CHSY3: variants seen among roughly 807,000 people sequenced by gnomAD.
CHSY3 encodes chondroitin sulfate synthase 3, also known as N-acetylgalactosaminyl-proteoglycan 3-beta-glucuronosyltransferase 3.
In CHSY3, 35 loss-of-function variants were observed where a neutral mutation model predicts 67.2. That is an observed-to-expected ratio of 0.52 (90% confidence interval 0.40 to 0.69). CHSY3 has a LOEUF of 0.69. Ranked by LOEUF, CHSY3 falls within the 30% of genes least tolerant of loss-of-function variation. CHSY3 has a pLI of 0.00. For synonymous variants in CHSY3, 474 were observed against 434.7 expected (o/e 1.09, Z -1.12); for missense variants, 1,069 against 1,138.5 (o/e 0.94, Z 0.88).
At chr5:129,966,346 G>A (rs1217532433) in intron 2 of CHSY3, among the ~76,000 whole-genome samples, 1 of 151,816 alleles carries the variant, frequency 6.6e-6, no homozygotes, top group Non-Finnish European at 1.5e-5. Context: ...GGTAGGTAGT[G>A]CATTGTGTAA....
At chr5:130,144,024 G>T (rs560999938) in intron 2 of CHSY3, among the ~76,000 whole-genome samples, 1 of 150,254 alleles carries the variant, frequency 6.7e-6, no homozygotes, top group Admixed American at 6.7e-5. Flanking sequence ...TTATTAAGTC[G>T]TTCAATCTAG....
intron 2 of CHSY3, among the ~76,000 whole-genome samples, chr5:130,129,117 G>A (rs976817331): frequency 6.6e-6 from 1 of 151,998 alleles, no homozygotes; most frequent in African/African-American, 2.4e-5. Flanking sequence ...AAGATAATCA[G>A]CACCAATTTG....
intron 2 of CHSY3, among the ~76,000 whole-genome samples, chr5:130,091,058 T>C (rs1766860085): frequency 6.6e-6 from 1 of 152,036 alleles, no homozygotes; most frequent in South Asian, 2.1e-4. Context: ...TTACCAGAAA[T>C]GACTTTGGAC....
intron 2 of CHSY3, among the ~76,000 whole-genome samples, chr5:130,003,449 G>C (rs1252104047): frequency 6.6e-6 from 1 of 152,102 alleles, no homozygotes; most frequent in African/African-American, 2.4e-5. Context: ...AATATCATAA[G>C]CCTTGTTGTA....
At chr5:130,022,293 C>T (rs916133896) in intron 2 of CHSY3, among the ~76,000 whole-genome samples, 4 of 151,972 alleles carry the variant, frequency 2.6e-5, no homozygotes, top group African/African-American at 4.8e-5. Flanking sequence ...AGCATAGTTA[C>T]GTTGTTAGCA....
intron 2 of CHSY3, among the ~76,000 whole-genome samples, chr5:130,120,055 A>G (rs1459083244): frequency 2.0e-5 from 3 of 152,200 alleles, no homozygotes; most frequent in African/African-American, 7.2e-5. Flanking sequence ...TTTAAAAAGC[A>G]TAAATTAAAC....
At chr5:130,042,005 TAGG>T in intron 2 of CHSY3, among the ~76,000 whole-genome samples, 1 of 151,774 alleles carries the variant, frequency 6.6e-6, no homozygotes, top group South Asian at 2.1e-4. Flanking sequence ...TTGGGGGAGG[TAGG>T]AGGATCACTT....
At chr5:130,031,325 T>C (rs1418469864) in intron 2 of CHSY3, among the ~76,000 whole-genome samples, 1 of 152,136 alleles carries the variant, frequency 6.6e-6, no homozygotes, top group Non-Finnish European at 1.5e-5. Context: ...ATTTATTTGC[T>C]GTTATCTCAT....
At chr5:130,122,383 G>A (rs1768066054) in intron 2 of CHSY3, among the ~76,000 whole-genome samples, 1 of 152,120 alleles carries the variant, frequency 6.6e-6, no homozygotes, top group South Asian at 2.1e-4. Flanking sequence ...CTGTTGATTT[G>A]TGTGGCTCTT....
intron 2 of CHSY3, among the ~76,000 whole-genome samples, chr5:129,926,800 T>TA (rs1761128344): frequency 6.6e-6 from 1 of 151,910 alleles, no homozygotes; most frequent in South Asian, 2.1e-4. Flanking sequence ...TATAAGCATA[T>TA]AGTTGATAAA....
At chr5:130,169,115 G>C (rs1388136441) in intron 2 of CHSY3, among the ~76,000 whole-genome samples, 1 of 152,016 alleles carries the variant, frequency 6.6e-6, no homozygotes, top group East Asian at 1.9e-4. Context: ...TCTTTCTCAT[G>C]GTTTCCATTT....
intron 2 of CHSY3, among the ~76,000 whole-genome samples, chr5:130,027,258 T>C (rs1764572878): frequency 6.6e-6 from 1 of 152,060 alleles, no homozygotes; most frequent in African/African-American, 2.4e-5. Context: ...TCATTTGATA[T>C]CTAGAAATGC....
intron 2 of CHSY3, among the ~76,000 whole-genome samples, chr5:129,990,052 A>T (rs944682317): frequency 3.9e-5 from 6 of 152,180 alleles, no homozygotes; most frequent in Non-Finnish European, 8.8e-5. Flanking sequence ...TAATCAAGTT[A>T]AAAATGATTA....
intron 2 of CHSY3, among the ~76,000 whole-genome samples, chr5:130,120,613 A>G (rs1198108108): frequency 6.6e-6 from 1 of 151,962 alleles, no homozygotes; most frequent in Non-Finnish European, 1.5e-5. Context: ...TACTGGTTGT[A>G]TGTGTGACCT....
intron 2 of CHSY3, among the ~76,000 whole-genome samples, chr5:130,082,986 C>G (rs758678277): frequency 1.3e-5 from 2 of 151,682 alleles, no homozygotes; most frequent in Non-Finnish European, 2.9e-5. Context: ...TCACATCCTG[C>G]ACATGTATCC....
At chr5:130,088,455 A>G (rs1253082098) in intron 2 of CHSY3, among the ~76,000 whole-genome samples, 1 of 151,986 alleles carries the variant, frequency 6.6e-6, no homozygotes, top group Non-Finnish European at 1.5e-5. Context: ...AAAATGGGAG[A>G]AAATTTTTGC....
At chr5:130,027,587 C>T (rs1481977004) in intron 2 of CHSY3, among the ~76,000 whole-genome samples, 1 of 152,020 alleles carries the variant, frequency 6.6e-6, no homozygotes, top group Non-Finnish European at 1.5e-5. Context: ...TCATCATTTA[C>T]ATTAGGTATA....
At chr5:129,954,853 G>T (rs1762124860) in intron 2 of CHSY3, among the ~76,000 whole-genome samples, 1 of 152,060 alleles carries the variant, frequency 6.6e-6, no homozygotes, top group Admixed American at 6.6e-5. Context: ...TGCTGAAGTT[G>T]CCTGTATCTT....
At chr5:130,091,140 A>G (rs62391452) in intron 2 of CHSY3, among the ~76,000 whole-genome samples, 11,793 of 123,270 alleles carry the variant, frequency 0.096, 521 homozygotes, top group African/African-American at 0.12. Context: ...ACACACGCAC[A>G]CGCGCGCACA....
Sources: gnomAD v4.1 joint callset for allele counts (sites outside exome capture counted in the v4.1 genomes callset) on GRCh38, gnomAD v4.1.1 for gene constraint, MANE v1.5 for transcripts, NCBI Gene and HGNC (gene_info 2026-07-23, HGNC 2026-07-21) for gene names.